The following RANBP2 variants were observed in gnomAD, a reference collection of about 807,000 sequenced individuals.
RANBP2 encodes the protein E3 SUMO-protein ligase RanBP2.
In RANBP2, 57 loss-of-function variants were observed where a neutral mutation model predicts 303.6. That is an observed-to-expected ratio of 0.19 (90% CI 0.15 to 0.23). RANBP2 has a LOEUF of 0.23. Ranked by LOEUF, RANBP2 falls within the 10% of genes least tolerant of loss-of-function variation. The pLI, the probability that RANBP2 is intolerant of heterozygous loss-of-function variation, is 1.00. For synonymous variants in RANBP2, 1,167 were observed against 1,301.5 expected, an observed-to-expected ratio of 0.90 and a Z score of 2.23; for missense variants, 3,138 against 3,780.8, an observed-to-expected ratio of 0.83 and a Z score of 4.46.
the RANBP2 span, among the ~76,000 whole-genome samples, chr2:109,339,503 C>A: frequency 3.3e-5 from 5 of 152,122 alleles, no homozygotes; most frequent in Non-Finnish European, 7.4e-5. Context: ...AGGAGGCCCA[C>A]GTGAGTGTGC....
At chr2:109,189,206 A>T in the RANBP2 span, among the ~76,000 whole-genome samples, 2 of 151,630 alleles carry the variant, frequency 1.3e-5, no homozygotes, top group South Asian at 4.2e-4. Flanking sequence ...TACCCCCGAG[A>T]TAGAGGAGGC....
chr2:109,239,638 A>G, the RANBP2 span, among the ~76,000 whole-genome samples: 1 of 152,142 alleles, frequency 6.6e-6, no homozygotes, highest in Non-Finnish European at 1.5e-5. Flanking sequence ...CAGGGAGGAA[A>G]GAGAGGCCGA....
chr2:109,277,401 A>T, the RANBP2 span, among the ~76,000 whole-genome samples: 1 of 152,318 alleles, frequency 6.6e-6, no homozygotes, highest in East Asian at 1.9e-4. Context: ...GATGGAAATC[A>T]ACTTTGTGTT....
chr2:109,442,183 C>T, the RANBP2 span, among the ~76,000 whole-genome samples: 10 of 152,008 alleles, frequency 6.6e-5, no homozygotes, highest in South Asian at 8.3e-4. Flanking sequence ...TGTTGGCGGG[C>T]GCCTGTAGTC....
chr2:109,642,551 C>T, the RANBP2 span, among the ~76,000 whole-genome samples: 1 of 150,572 alleles, frequency 6.6e-6, no homozygotes, highest in South Asian at 2.1e-4. Flanking sequence ...AGATTGAGAC[C>T]ATCCTGGCTA....
At chr2:109,623,494 A>G in the RANBP2 span, among the ~76,000 whole-genome samples, 2 of 152,090 alleles carry the variant, frequency 1.3e-5, no homozygotes, top group African/African-American at 4.8e-5. Context: ...CTGCCCCACA[A>G]TTCTTGGATC....
the RANBP2 span, among the ~76,000 whole-genome samples, chr2:109,170,419 CA>C: frequency 6.6e-6 from 1 of 151,986 alleles, no homozygotes; most frequent in Non-Finnish European, 1.5e-5. Context: ...AATCTCGGCT[CA>C]CTGCAACCTC....
chr2:109,005,931 C>G, the RANBP2 span, among the ~76,000 whole-genome samples: 1 of 152,168 alleles, frequency 6.6e-6, no homozygotes, highest in Non-Finnish European at 1.5e-5. Context: ...GCTTCGGAGT[C>G]GTGGAGCTGC....
the RANBP2 span, among the ~76,000 whole-genome samples, chr2:109,609,396 CAG>C: frequency 9.8e-4 from 149 of 152,034 alleles, no homozygotes; most frequent in African/African-American, 3.4e-3. Flanking sequence ...GAAAAAAATG[CAG>C]AGTTTACTTG....
At chr2:109,431,081 C>G in the RANBP2 span, among the ~76,000 whole-genome samples, 10 of 152,300 alleles carry the variant, frequency 6.6e-5, no homozygotes, top group East Asian at 7.7e-4. Context: ...CACACTGGTT[C>G]TTTTTTCCTG....
the RANBP2 span, among the ~76,000 whole-genome samples, chr2:109,097,650 GT>G: frequency 7.5e-4 from 112 of 148,778 alleles, 2 homozygotes; most frequent in South Asian, 0.015. Flanking sequence ...TTTTTCCTAT[GT>G]GTAATGTGTT....
At chr2:108,820,700 A>AGG in the RANBP2 span, among the ~76,000 whole-genome samples, 1 of 36,946 alleles carries the variant, frequency 2.7e-5, no homozygotes, top group African/African-American at 1.9e-4. Context: ...TTCAAAGTGC[A>AGG]AAAAAAAAAA....
At chr2:109,477,366 C>T in the RANBP2 span, among the ~76,000 whole-genome samples, 1 of 152,198 alleles carries the variant, frequency 6.6e-6, no homozygotes. Flanking sequence ...GGGCCCACCA[C>T]AATCATTCAT....
chr2:109,220,844 A>G, the RANBP2 span, among the ~76,000 whole-genome samples: 2 of 152,232 alleles, frequency 1.3e-5, no homozygotes, highest in African/African-American at 4.8e-5. Context: ...ACAGTGTGAA[A>G]GGAGTTTGAA....
At chr2:108,896,952 C>A in the RANBP2 span, 3 of 1,613,554 alleles carry the variant, frequency 1.9e-6, no homozygotes, top group African/African-American at 4.0e-5. Flanking sequence ...CAACCCCCGC[C>A]CACTCCAGTA....
chr2:109,545,944 G>C, the RANBP2 span: 1 of 1,469,058 alleles, frequency 6.8e-7, no homozygotes, highest in Non-Finnish European at 9.1e-7. Flanking sequence ...GTTGGAGAAG[G>C]AAGACAAAGC....
the RANBP2 span, among the ~76,000 whole-genome samples, chr2:109,052,260 A>T: frequency 6.6e-6 from 1 of 152,246 alleles, no homozygotes; most frequent in Non-Finnish European, 1.5e-5. Flanking sequence ...TTCTCCAGTC[A>T]TCCTAAGAAA....
chr2:109,119,307 C>T, the RANBP2 span, among the ~76,000 whole-genome samples: 4 of 152,202 alleles, frequency 2.6e-5, no homozygotes, highest in African/African-American at 7.2e-5. Flanking sequence ...TCATCCTGTC[C>T]GTGAAACAGT....
chr2:109,175,421 T>C, the RANBP2 span, among the ~76,000 whole-genome samples: 1 of 152,216 alleles, frequency 6.6e-6, no homozygotes, highest in Non-Finnish European at 1.5e-5. Context: ...ATGCAAACTT[T>C]TTGGCAGTCG....
Sources: allele counts gnomAD v4.1 joint callset (sites outside exome capture counted in the v4.1 genomes callset), GRCh38; gene constraint gnomAD v4.1.1; transcripts MANE v1.5; gene names NCBI Gene and HGNC (gene_info 2026-07-23, HGNC 2026-07-21).